The following MYH13 variants were observed in gnomAD, a reference collection of about 807,000 sequenced individuals.
MYH13 encodes myosin heavy chain 13, also known as myosin-13.
In MYH13, 177 loss-of-function variants were observed where a neutral mutation model predicts 232.1. The observed-to-expected ratio is 0.76, with a 90% CI of 0.67 to 0.86. The LOEUF is 0.86. MYH13 is among the 40% of genes least tolerant of loss of function. MYH13 has a pLI of 0.00. For synonymous variants in MYH13, 884 were observed against 923.5 expected (o/e 0.96, Z 0.78); for missense variants, 2,246 against 2,405.9 (o/e 0.93, Z 1.39).
chr17:10,339,094 C>T (rs77632244), intron 18 of MYH13, among the ~76,000 whole-genome samples: 56,475 of 150,626 alleles, frequency 0.37, 11,022 homozygotes, highest in Non-Finnish European at 0.43. Flanking sequence ...TCCCCCCCAA[C>T]CCCCCGACAA....
At chr17:10,361,840 T>C (rs949260713) in intron 5 of MYH13, among the ~76,000 whole-genome samples, 5 of 152,342 alleles carry the variant, frequency 3.3e-5, no homozygotes, top group Admixed American at 6.5e-5. Context: ...TACACCTGGA[T>C]TGGGGGTTCC....
rs376169719 is a variant in MYH13, at chr17:10,362,152, G to A, written c.471C>T (p.Ser157=). The change falls in exon 5 of 41, where the codon TCC becomes TCT. Residue 157 remains serine (S), a synonymous_variant. Coordinates refer to ENST00000252172, the MANE Select transcript of MYH13 (RefSeq NM_003802.3). ...TGAACTGATAGGCATTGTCAGAGAT[G>A]GAGAAGATGTGGGGCGGGGCCTCCT... ...KRQEAPPHIF[S]ISDNAYQFML... 2.4e-5 allele frequency: 39 copies of A among 1,613,830 alleles called. No individual in the cohort carries two copies. The African/African-American group carries it at 3.7e-4, about 15-fold the overall frequency.
chr17:10,319,802 G>T (rs190217647), intron 26 of MYH13, among the ~76,000 whole-genome samples: 1 of 152,180 alleles, frequency 6.6e-6, no homozygotes, highest in African/African-American at 2.4e-5. Context: ...AGTCTTAAAT[G>T]TGTACAAAAA....
intron 18 of MYH13, among the ~76,000 whole-genome samples, chr17:10,333,705 G>A (rs149052534): frequency 0.014 from 2,137 of 152,270 alleles, 25 homozygotes; most frequent in Middle Eastern, 0.068. Context: ...TCAGGAGCTC[G>A]AGACCAGCCT....
In MYH13 at chr17:10,344,050, G is replaced by A. The variant is rs781026958; in HGVS notation, c.1644C>T (p.Thr548=). The A allele has an allele frequency of 6.2e-6, 10 of 1,614,178 alleles. No homozygotes were observed. In the South Asian group the frequency reaches 9.9e-5, roughly 16 times the overall value. Residue 548 remains threonine, a synonymous_variant, in exon 16 of 41, where the codon ACC becomes ACT. Coordinates refer to ENST00000252172, the MANE Select transcript of MYH13 (RefSeq NM_003802.3). Reference sequence around the variant, plus strand: ...GGTCATACAGCTTGTTCTTGAAGGAGGTGTCTGTTGCCTTGGGGAACATGC... The same window carrying A: ...GGTCATACAGCTTGTTCTTGAAGGAAGTGTCTGTTGCCTTGGGGAACATGC... ...EECMFPKATD[T]SFKNKLYDQH...
At chr17:10,330,233 G>A (rs1412136034) in intron 21 of MYH13, among the ~76,000 whole-genome samples, 154 bp downstream of exon 21, 4 of 152,070 alleles carry the variant, frequency 2.6e-5, no homozygotes, top group Admixed American at 2.6e-4. Context: ...GCCATGCAGA[G>A]CACCCAGCCC....
At chr17:10,312,442 CTG>C (rs1906540328) in intron 31 of MYH13, 130 bp downstream of exon 31, 5 of 1,071,100 alleles carry the variant, frequency 4.7e-6, no homozygotes, top group African/African-American at 1.6e-5. Context: ...AAGCGTGAAA[CTG>C]TTGTTTTCAC....
At chr17:10,339,892 A>G (rs558353546) in intron 18 of MYH13, among the ~76,000 whole-genome samples, 2 of 152,336 alleles carry the variant, frequency 1.3e-5, no homozygotes, top group East Asian at 3.9e-4. Context: ...GGTACACATG[A>G]TATTTTGATA....
Position 10,327,951 on chromosome 17 carries a change from C to T in MYH13, c.2606G>A (p.Arg869Gln), listed in dbSNP as rs147387198. Residue 869 changes from arginine (R) to glutamine (Q), a missense_variant, in exon 22 of 41, where the codon CGA becomes CAA. Coordinates refer to ENST00000252172, the MANE Select transcript of MYH13 (RefSeq NM_003802.3). The stretch of plus-strand genomic sequence containing the variant: ...CAGCTCCTTCCGGCGAGCCTCAGAT[C>T]GGGCCAGTTCTTCCTTGGTCCTCTC... ...DFERTKEELARSEARRKELEE... is the reference protein window; with the variant it reads ...DFERTKEELAQSEARRKELEE... 1,524 of 1,613,974 alleles carry T rather than the reference C, an allele frequency of 9.4e-4. 5 individuals are homozygous for T. Among genetic ancestry groups the T allele is most frequent in the Middle Eastern group, 6.8e-3 (41 of 6,060 alleles).
Position 10,349,934 on chromosome 17 carries a change from C to T in MYH13, c.1144+622G>A, listed in dbSNP as rs566046235. On this transcript the variant is annotated intron_variant, in intron 12 of 40. Transcript: ENST00000252172. ...AATTCAAGGAACTTGTAAGAAGCAT[C>T]GTGAGAGCTAAGAAGTCTAATGAGC... is the stretch of plus-strand genomic sequence containing the variant. Among the ~76,000 whole-genome samples the T allele has an allele frequency of 1.1e-4, 17 of 152,290 alleles. No homozygotes were observed. In the East Asian group the frequency reaches 1.4e-3, roughly 12 times the overall value.
At chr17:10,316,163 CA>C in intron 27 of MYH13, 138 bp from the exon 28 acceptor site, 6 of 1,171,628 alleles carry the variant, frequency 5.1e-6, no homozygotes, top group Non-Finnish European at 5.9e-6. Flanking sequence ...AGTTCAGTTT[CA>C]AAAAAATCAT....
chr17:10,312,165 CG>C, intron 31 of MYH13, 89 bp from the exon 32 acceptor site: 3 of 1,445,610 alleles, frequency 2.1e-6, no homozygotes, highest in Non-Finnish European at 1.9e-6. Flanking sequence ...GTAACACCAA[CG>C]TTTTGCCCTT....
chr17:10,319,136 G>A lies in MYH13; in HGVS notation c.3392C>T (p.Thr1131Met), dbSNP rs749855584. ...CTGCTTCTCAATCTTGGCTCTGAGC[G>A]TGTGTTCCGCTTCAATTTCCTCCTC... is the stretch of plus-strand genomic sequence containing the variant. ...ELEEEIEAEHTLRAKIEKQRS... is the reference protein window; with the variant it reads ...ELEEEIEAEHMLRAKIEKQRS... The change falls in exon 27 of 41, where the codon ACG becomes ATG. Residue 1131 changes from threonine (T) to methionine (M), a missense_variant. By Grantham distance (81) the Thr-to-Met change is moderately conservative. Transcript: ENST00000252172. 1.9e-5 allele frequency: 30 copies of A among 1,613,996 alleles called. No homozygotes were observed. Among genetic ancestry groups the A allele is most frequent in the East Asian group, 8.9e-5 (4 of 44,894 alleles).
At chr17:10,327,069 T>C (rs1469929242) in intron 22 of MYH13, among the ~76,000 whole-genome samples, 1 of 28,780 alleles carries the variant, frequency 3.5e-5, no homozygotes, top group African/African-American at 1.0e-4. Context: ...TGGCGCGATC[T>C]CAGCTCACTG....
At chr17:10,343,203 A>C (rs1045250074) in intron 16 of MYH13, among the ~76,000 whole-genome samples, 6 of 148,708 alleles carry the variant, frequency 4.0e-5, no homozygotes, top group African/African-American at 1.5e-4. Flanking sequence ...AAAACCACTA[A>C]ATTTTTTTTT....
In MYH13 at chr17:10,332,222, C is replaced by G. The variant is rs945609748; in HGVS notation, c.2175G>C (p.Arg725=). 3 of 1,613,592 alleles carry G rather than the reference C, an allele frequency of 1.9e-6. No homozygotes were observed. In the South Asian group the frequency reaches 3.3e-5, roughly 18 times the overall value. ...SRILYADFKQ[R]YRILNASAIP... ...TAGCACTGGCATTGAGGATCCGGTACCTAAGGAGAGAGGACATTTCCCAAA... is the reference window on the plus strand; with the variant it reads ...TAGCACTGGCATTGAGGATCCGGTAGCTAAGGAGAGAGGACATTTCCCAAA... Residue 725 remains arginine, a splice_region_variant and synonymous_variant, in exon 20 of 41, where the codon CGG becomes CGC. Coordinates refer to ENST00000252172, the MANE Select transcript of MYH13 (RefSeq NM_003802.3).
At chr17:10,350,939 C>T in intron 11 of MYH13, 2 of 501,370 alleles carry the variant, frequency 4.0e-6, no homozygotes, top group East Asian at 5.0e-5. Flanking sequence ...GAACTGATTA[C>T]AGTCGGGCGC....
intron 12 of MYH13, 117 bp from the exon 13 acceptor site, chr17:10,346,915 T>G: frequency 2.7e-6 from 2 of 732,090 alleles, no homozygotes; most frequent in Non-Finnish European, 4.6e-6. Context: ...TTTCATGTTG[T>G]CATATCTGTA....
Position 10,343,805 on chromosome 17 carries a change from T to C in MYH13, c.1889A>G (p.Glu630Gly). The change falls in exon 16 of 41, where the codon GAG becomes GGG. Residue 630 changes from glutamate to glycine, a missense_variant. Physicochemically the swap from Glu to Gly is moderately conservative, Grantham distance 98. Coordinates refer to ENST00000252172, the MANE Select transcript of MYH13 (RefSeq NM_003802.3). ...SFLFSNYAGAETGDSGGSKKG... is the reference protein window; with the variant it reads ...SFLFSNYAGAGTGDSGGSKKG... The stretch of plus-strand genomic sequence containing the variant: ...AAGAAATGATAGAATTTTACCTGTC[T>C]CTGCACCAGCATAGTTGGAAAAAAG... The C allele has an allele frequency of 6.3e-7, 1 of 1,596,606 alleles. No homozygotes were observed. The highest frequency in any genetic ancestry group is 8.5e-7 in the Non-Finnish European group (1 of 1,169,662).
Sources: allele counts gnomAD v4.1 joint callset (sites outside exome capture counted in the v4.1 genomes callset), GRCh38; gene constraint gnomAD v4.1.1; transcripts MANE v1.5; gene names NCBI Gene and HGNC (gene_info 2026-07-23, HGNC 2026-07-21).